OXR1: variants seen among roughly 807,000 people sequenced by gnomAD.
The protein encoded by OXR1 is oxidation resistance 1.
OXR1 carries 41 observed loss-of-function variants against 104.6 expected under a neutral mutation model. The observed-to-expected ratio is 0.39, with a 90% CI of 0.31 to 0.51. The LOEUF (loss-of-function observed/expected upper bound fraction) is 0.51, where lower values mean the gene tolerates loss of function less well. Ranked by LOEUF, OXR1 falls within the 20% of genes least tolerant of loss-of-function variation. The pLI is 0.77. For missense variants in OXR1, 955 were observed against 1,031.9 expected (o/e 0.93, Z 1.02); for synonymous variants, 348 against 348.4 (o/e 1.00, Z 0.01).
At chr8:106,323,596 T>C (rs979011679) in intron 1 of OXR1, among the ~76,000 whole-genome samples, 1 of 152,066 alleles carries the variant, frequency 6.6e-6, no homozygotes, top group Admixed American at 6.6e-5. Context: ...GGAGAGAATA[T>C]TTGCAAACTA....
intron 7 of OXR1, chr8:106,697,604 C>T (rs1356307823): frequency 1.9e-6 from 3 of 1,612,688 alleles, no homozygotes; most frequent in African/African-American, 2.7e-5. Context: ...TCCCAGGCTA[C>T]TGCCAACCCA....
intron 8 of OXR1, among the ~76,000 whole-genome samples, chr8:106,706,016 G>T (rs1831113775): frequency 6.6e-6 from 1 of 152,014 alleles, no homozygotes; most frequent in Admixed American, 6.6e-5. Flanking sequence ...ATTTCTCTGT[G>T]TTTATTTTCC....
At chr8:106,610,710 A>C (rs1276908317) in intron 3 of OXR1, among the ~76,000 whole-genome samples, 2 of 152,090 alleles carry the variant, frequency 1.3e-5, no homozygotes, top group South Asian at 2.1e-4. Flanking sequence ...ACATAATCCT[A>C]CTTGCCTGAC....
chr8:106,336,656 T>G (rs1286367878), intron 1 of OXR1, among the ~76,000 whole-genome samples: 1 of 152,210 alleles, frequency 6.6e-6, no homozygotes, highest in Non-Finnish European at 1.5e-5. Flanking sequence ...TTTATTACTT[T>G]GGGGAAGGGA....
chr8:106,622,011 G>T (rs975893289), intron 3 of OXR1, among the ~76,000 whole-genome samples: 1 of 152,100 alleles, frequency 6.6e-6, no homozygotes. Context: ...TCATTAACAT[G>T]TTAACACATT....
In OXR1 at chr8:106,656,668, C is replaced by T. The variant is rs998617422; in HGVS notation, c.221-22542C>T. ...CTCCTGGGTCCCTTTCCCATAAACA[C>T]CGAATTAGACACTCTGAGGATGCAG... is the stretch of plus-strand genomic sequence containing the variant. On this transcript the variant is annotated intron_variant, in intron 3 of 16. Transcript: ENST00000517566. Among the ~76,000 whole-genome samples, 4 of 152,100 alleles carry T rather than the reference C, an allele frequency of 2.6e-5. No individual in the cohort carries two copies. In the South Asian group the frequency reaches 8.3e-4, roughly 32 times the overall value.
chr8:106,419,264 C>G (rs1002719640), intron 2 of OXR1, among the ~76,000 whole-genome samples: 1 of 152,146 alleles, frequency 6.6e-6, no homozygotes, highest in Non-Finnish European at 1.5e-5. Flanking sequence ...AAAGGATGTG[C>G]TCATTCTGCC....
At chr8:106,549,807 A>T (rs1314661155) in intron 3 of OXR1, among the ~76,000 whole-genome samples, 1 of 152,126 alleles carries the variant, frequency 6.6e-6, no homozygotes, top group Non-Finnish European at 1.5e-5. Flanking sequence ...CTCAGGACCT[A>T]ATCACTTCTC....
At chr8:106,658,803 A>AT (rs960257357) in intron 3 of OXR1, among the ~76,000 whole-genome samples, 3 of 152,024 alleles carry the variant, frequency 2.0e-5, no homozygotes, top group East Asian at 1.9e-4. Flanking sequence ...GTGTTGGCCG[A>AT]TTTTTTTCAC....
At chr8:106,424,550 T>C (rs565987983) in intron 2 of OXR1, among the ~76,000 whole-genome samples, 2 of 152,276 alleles carry the variant, frequency 1.3e-5, no homozygotes, top group East Asian at 3.9e-4. Context: ...TTAGATTGTT[T>C]CTAATTTTTC....
intron 1 of OXR1, among the ~76,000 whole-genome samples, chr8:106,296,506 C>A (rs970334169): frequency 2.0e-5 from 3 of 152,060 alleles, no homozygotes; most frequent in African/African-American, 7.2e-5. Flanking sequence ...AGATAAGTAA[C>A]CTAGTCAAAG....
chr8:106,611,147 C>G (rs1458285282), intron 3 of OXR1, among the ~76,000 whole-genome samples: 1 of 152,094 alleles, frequency 6.6e-6, no homozygotes, highest in Non-Finnish European at 1.5e-5. Flanking sequence ...CAGAGAACAC[C>G]CCTCTAAAGA....
intron 2 of OXR1, among the ~76,000 whole-genome samples, chr8:106,492,787 T>C (rs1811179085): frequency 6.6e-6 from 1 of 152,150 alleles, no homozygotes; most frequent in African/African-American, 2.4e-5. Context: ...CCAATTAACC[T>C]CTCAAATAGT....
chr8:106,691,425 A>T (rs963155438), intron 6 of OXR1, among the ~76,000 whole-genome samples: 1 of 151,888 alleles, frequency 6.6e-6, no homozygotes, highest in African/African-American at 2.4e-5. Context: ...ATCTTTTTTG[A>T]AAGTAATCTC....
chr8:106,563,832 A>G (rs1271596189), intron 3 of OXR1, among the ~76,000 whole-genome samples: 1 of 152,182 alleles, frequency 6.6e-6, no homozygotes, highest in Non-Finnish European at 1.5e-5. Context: ...AGATTAGGAA[A>G]CTCATTCAAA....
chr8:106,737,566 C>T lies in OXR1; in HGVS notation c.2003C>T (p.Thr668Ile). ...CACCGCAGGATCGATGCTCTAAATA[C>T]TGAAGAACTGCGCACACTCTGCAGA... ...EYHRRIDALN[T>I]EELRTLCRRL... The change falls in exon 12 of 17, where the codon ACT becomes ATT. Residue 668 changes from threonine to isoleucine, a missense_variant. Physicochemically the swap from Thr to Ile is moderately conservative, Grantham distance 89 (BLOSUM62 -1). This residue lies in a region of OXR1 where 849 missense variants were observed against 852.9 expected (regional missense o/e 1.00). Transcript: ENST00000517566. 7.3e-7 allele frequency: 1 copy of T among 1,372,490 alleles called. No homozygotes were observed. 85.0% of individuals were successfully genotyped at this position (1,372,490 alleles called of 1,614,324 possible). A position where few individuals can be genotyped will look rare whatever the true frequency, so the allele number is the denominator to read the frequency against.
chr8:106,563,516 C>A (rs1816848037), intron 3 of OXR1, among the ~76,000 whole-genome samples: 1 of 152,096 alleles, frequency 6.6e-6, no homozygotes, highest in Non-Finnish European at 1.5e-5. Context: ...TAAAAAGAGA[C>A]TAAGACTCCC....
rs1046947382 is a variant in OXR1 at position 106,356,486 on chromosome 8, C to A, written c.-138-2990C>A. On this transcript the variant is annotated intron_variant, in intron 1 of 16. Coordinates refer to ENST00000517566, the MANE Select transcript of OXR1 (RefSeq NM_001198533.2). ...ACAATATTTGACCATTTTTGACCTA[C>A]AAAAGCAATGGGTTCATATGACTCT... Among the ~76,000 whole-genome samples the A allele has an allele frequency of 2.6e-5, 4 of 152,098 alleles. No homozygotes were observed. The East Asian group carries it at 7.7e-4, about 29-fold the overall frequency.
chr8:106,375,701 C>T (rs1816880950), intron 2 of OXR1, among the ~76,000 whole-genome samples: 2 of 152,202 alleles, frequency 1.3e-5, no homozygotes, highest in African/African-American at 4.8e-5. Flanking sequence ...TTAGTGCTTT[C>T]AGTCTGACTC....
Sources: allele counts gnomAD v4.1 joint callset (sites outside exome capture counted in the v4.1 genomes callset), GRCh38; gene constraint gnomAD v4.1.1; regional missense constraint gnomAD v4.1.1; transcripts MANE v1.5; gene names NCBI Gene and HGNC (gene_info 2026-07-23, HGNC 2026-07-21).